The following KRT8 variants were observed in gnomAD, a reference collection of about 807,000 sequenced individuals.
The protein encoded by KRT8 is keratin 8.
Under a neutral mutation model 43.0 loss-of-function variants are expected in KRT8, and 24 were observed. That is an observed-to-expected ratio of 0.56 (90% confidence interval 0.40 to 0.78). The LOEUF is 0.78. Among genes scored for constraint, KRT8 ranks in the 30% least tolerant of loss-of-function variants. KRT8 has a pLI of 0.00. For missense variants in KRT8, 492 were observed against 638.4 expected (o/e 0.77, Z 2.47); for synonymous variants, 214 against 261.2 (o/e 0.82, Z 1.74).
chr12:52,938,153 TATATATATATATATA>T (rs1565732876), intron 2 of KRT8, among the ~76,000 whole-genome samples: 5 of 46,542 alleles, frequency 1.1e-4, no homozygotes, highest in African/African-American at 3.0e-4. Context: ...TATATATATA[TATATATATATATATA>T]TATTTTTTTT....
At chr12:52,934,905 G>A (rs1475154888) in intron 2 of KRT8, among the ~76,000 whole-genome samples, 2 of 151,920 alleles carry the variant, frequency 1.3e-5, no homozygotes, top group East Asian at 1.9e-4. Context: ...GGAGGCAGAG[G>A]TTGCAGTGAG....
chr12:52,916,639 T>A (rs1941746223), intron 2 of KRT8, among the ~76,000 whole-genome samples: 1 of 152,106 alleles, frequency 6.6e-6, no homozygotes, highest in Non-Finnish European at 1.5e-5. Context: ...GTATAGACCC[T>A]CCCCTGAACA....
At chr12:52,909,756 C>A (rs1941594916), upstream of KRT8, among the ~76,000 whole-genome samples, 1 of 152,196 alleles carries the variant, frequency 6.6e-6, no homozygotes, top group African/African-American at 2.4e-5. Flanking sequence ...TCCACATCCA[C>A]CACCATAGAG....
intron 1 of KRT8, among the ~76,000 whole-genome samples, chr12:52,903,858 GCCCACCCCAC>G (rs557895911): frequency 0.032 from 1,923 of 59,364 alleles, 24 homozygotes; most frequent in African/African-American, 0.12. Flanking sequence ...CCCCACCCCA[GCCCACCCCAC>G]CCCACCCCAC....
chr12:52,901,484 T>C, intron 2 of KRT8: 1 of 557,812 alleles, frequency 1.8e-6, no homozygotes, highest in South Asian at 2.0e-5. Context: ...GGGCCTGACA[T>C]GAGACCTCAG....
chr12:52,938,810 G>A (rs1387176233), intron 2 of KRT8, among the ~76,000 whole-genome samples: 1 of 152,006 alleles, frequency 6.6e-6, no homozygotes, highest in African/African-American at 2.4e-5. Flanking sequence ...GTAGAGACGG[G>A]GTTTCACCGT....
In KRT8 at chr12:52,902,076, T is replaced by C. The variant is rs887387612; in HGVS notation, c.325-4A>G. ...TCTGCTGCTCCAGGAACCGTACCTA[T>C]ACGAAGGAGGAGAGAGCAAAAAGGT... On this transcript the variant is annotated splice_region_variant and splice_polypyrimidine_tract_variant and intron_variant, in intron 1 of 7. Transcript: ENST00000692008. The C allele has an allele frequency of 1.9e-6, 3 of 1,593,776 alleles. No individual in the cohort carries two copies. Among genetic ancestry groups the C allele is most frequent in the Non-Finnish European group, 2.6e-6 (3 of 1,172,982 alleles).
chr12:52,913,461 G>T (rs1351591577), intron 2 of KRT8, among the ~76,000 whole-genome samples: 2 of 152,216 alleles, frequency 1.3e-5, no homozygotes, highest in Non-Finnish European at 2.9e-5. Flanking sequence ...GGAGGGCAGA[G>T]GTGCATGATG....
chr12:52,930,963 T>G (rs1384752801), intron 2 of KRT8, among the ~76,000 whole-genome samples: 1 of 152,200 alleles, frequency 6.6e-6, no homozygotes, highest in African/African-American at 2.4e-5. Flanking sequence ...TAATCTCCAC[T>G]CTTGTCTTTT....
chr12:52,924,632 GATA>G (rs1941954519), intron 2 of KRT8, among the ~76,000 whole-genome samples: 1 of 152,040 alleles, frequency 6.6e-6, no homozygotes, highest in Non-Finnish European at 1.5e-5. Context: ...ATTATATGAT[GATA>G]ATGTTTGTAA....
intron 2 of KRT8, among the ~76,000 whole-genome samples, chr12:52,942,566 A>G (rs1363898671): frequency 6.6e-6 from 1 of 152,026 alleles, no homozygotes; most frequent in African/African-American, 2.4e-5. Context: ...GTGCCACCTC[A>G]GTCCCGGGCT....
At chr12:52,901,294 C>T (rs996998323) in intron 2 of KRT8, 75 bp from the exon 3 acceptor site, 1 of 1,062,668 alleles carries the variant, frequency 9.4e-7, no homozygotes. Context: ...GAGACAGGGG[C>T]GTTGTGAAAA....
chr12:52,898,910 G>A lies in KRT8; in HGVS notation c.982-11C>T, dbSNP rs766502995. The A allele has an allele frequency of 1.9e-6, 3 of 1,612,458 alleles. No individual in the cohort carries two copies. Among genetic ancestry groups the A allele is most frequent in the Middle Eastern group, 3.9e-4 (2 of 5,074 alleles). On this transcript the variant is annotated splice_polypyrimidine_tract_variant and intron_variant, in intron 5 of 7. Coordinates refer to ENST00000692008, the Ensembl canonical transcript of KRT8. Reference sequence around the variant, plus strand: ...CTCCAGGGAAGCCCTCTGTGGGGTAGGGGACAGGTAAGTAGGTCAGGTTGG... The same window carrying A: ...CTCCAGGGAAGCCCTCTGTGGGGTAAGGGACAGGTAAGTAGGTCAGGTTGG...
chr12:52,901,943 C>T, exon 2 of KRT8: 1 of 1,610,420 alleles, frequency 6.2e-7, no homozygotes, highest in East Asian at 2.2e-5. Flanking sequence ...CCCAGAGTCT[C>T]CAGCTGCCGC....
intron 2 of KRT8, among the ~76,000 whole-genome samples, chr12:52,946,176 G>T (rs1942341200): frequency 6.6e-6 from 1 of 152,260 alleles, no homozygotes; most frequent in South Asian, 2.1e-4. Flanking sequence ...CAGTTGGGGT[G>T]GGGCAGGAAT....
chr12:52,943,000 C>T (rs913131231), intron 2 of KRT8, among the ~76,000 whole-genome samples: 12 of 152,040 alleles, frequency 7.9e-5, no homozygotes, highest in African/African-American at 2.2e-4. Context: ...TCACTCCACT[C>T]CCCCAGAATC....
intron 1 of KRT8, chr12:52,949,596 G>A: frequency 6.2e-7 from 1 of 1,609,276 alleles, no homozygotes; most frequent in Non-Finnish European, 8.5e-7. Flanking sequence ...CTCAGGTAAG[G>A]GGTAGGAGGG....
intron 2 of KRT8, among the ~76,000 whole-genome samples, chr12:52,923,396 C>A (rs1406720659): frequency 6.6e-6 from 1 of 152,096 alleles, no homozygotes; most frequent in South Asian, 2.1e-4. Flanking sequence ...GGGGCAGGAC[C>A]ATTTATTCCT....
intron 2 of KRT8, among the ~76,000 whole-genome samples, chr12:52,942,487 A>G (rs552366602): frequency 6.6e-6 from 1 of 152,162 alleles, no homozygotes; most frequent in Admixed American, 6.6e-5. Flanking sequence ...CTCTGACCCC[A>G]GATTCTGATA....
Sources: gnomAD v4.1 joint callset for allele counts (sites outside exome capture counted in the v4.1 genomes callset) on GRCh38, gnomAD v4.1.1 for gene constraint, MANE v1.5 for transcripts, NCBI Gene and HGNC (gene_info 2026-07-23, HGNC 2026-07-21) for gene names.